NIBAN3: variants seen among roughly 807,000 people sequenced by gnomAD.
The protein encoded by NIBAN3 is niban apoptosis regulator 3, also known as protein Niban 3.
A neutral mutation model predicts 76.4 loss-of-function variants in NIBAN3; 66 were observed. The observed-to-expected ratio is 0.86, with a 90% CI of 0.71 to 1.06. NIBAN3 has a LOEUF of 1.06. Ranked by LOEUF, NIBAN3 falls within the 50% of genes least tolerant of loss-of-function variation. The pLI is 0.00. For synonymous variants in NIBAN3, 360 were observed against 355.2 expected (o/e 1.01, Z -0.15); for missense variants, 808 against 810.7 (o/e 1.00, Z 0.04).
intron 12 of NIBAN3, 21 bp downstream of exon 12, chr19:17,543,652 C>A: frequency 6.3e-7 from 1 of 1,590,648 alleles, no homozygotes; most frequent in Non-Finnish European, 8.6e-7. Flanking sequence ...GGGAAGTGTG[C>A]AAGAGGGTCT....
intron 8 of NIBAN3, 27 bp downstream of exon 8, chr19:17,539,792 T>G (rs1231481754): frequency 6.8e-7 from 1 of 1,480,476 alleles, no homozygotes; most frequent in East Asian, 2.5e-5. Flanking sequence ...GAGCCTGGGC[T>G]GGGAGGGGCG....
rs748628398 is a variant in NIBAN3, at chr19:17,530,846, C to T, written c.147C>T (p.Gly49=). 1 of 1,613,494 alleles carries T rather than the reference C, an allele frequency of 6.2e-7. No individual in the cohort carries two copies. Residue 49 remains glycine (G), a synonymous_variant, in exon 2 of 15, where the codon GGC becomes GGT. Coordinates refer to ENST00000599164, the MANE Select transcript of NIBAN3 (RefSeq NM_001321827.2). ...TGCGGCAGATCTCTCGAGAGCTGGG[C>T]CCTCAGGAGCCGACCGGAAGCCAGT... The part of the protein sequence containing the change: ...SVLRQISREL[G]PQEPTGSQLL...
At chr19:17,555,302 G>A (rs1309240478), downstream of NIBAN3, among the ~76,000 whole-genome samples, 1 of 152,116 alleles carries the variant, frequency 6.6e-6, no homozygotes, top group Non-Finnish European at 1.5e-5. Flanking sequence ...TGAGGCTAAG[G>A]TCTCTTGGGT....
rs747476344 is a variant in NIBAN3 at position 17,552,161 on chromosome 19, C to T, written c.*263C>T. ...TGGCAGGATCTCGGCTCACTGCAAC[C>T]TCCGCCTCCCGGGTTCAAGCGATTC... On this transcript the variant is annotated 3_prime_UTR_variant, in exon 15 of 15. Coordinates refer to ENST00000599164, the MANE Select transcript of NIBAN3 (RefSeq NM_001321827.2). 4.5e-6 allele frequency: 1 copy of T among 220,334 alleles called. No homozygotes were observed. Among genetic ancestry groups the T allele is most frequent in the Non-Finnish European group, 8.9e-6 (1 of 112,900 alleles). The allele number at this position is 220,334 out of a possible 1,614,324, so 13.6% of individuals were successfully genotyped here.
intron 1 of NIBAN3, among the ~76,000 whole-genome samples, chr19:17,530,173 G>A (rs551119367): frequency 6.8e-4 from 103 of 152,114 alleles, no homozygotes; most frequent in African/African-American, 2.0e-3. Flanking sequence ...TTAGTCAGTC[G>A]TGGTGGCAGA....
At chr19:17,527,475 C>T (rs1161127396) in intron 1 of NIBAN3, 80 bp downstream of exon 1, 4 of 1,403,402 alleles carry the variant, frequency 2.9e-6, no homozygotes, top group African/African-American at 2.9e-5. Flanking sequence ...CTCCATGCAG[C>T]AGATGGGGTT....
Position 17,542,105 on chromosome 19 carries a change from T to G in NIBAN3, c.1171-31T>G. On this transcript the variant is annotated intron_variant, in intron 9 of 14. Coordinates refer to ENST00000599164, the MANE Select transcript of NIBAN3 (RefSeq NM_001321827.2). This position sits in a 1 kb window ranked among gnomAD's most constrained non-coding sequence, Gnocchi z 4.8. Reference sequence around the variant, plus strand: ...GCCCTTTGCAATCAGCTGACAGCATTTTTCCCCCAAAACTGCTTCCGGGAG... The same window carrying G: ...GCCCTTTGCAATCAGCTGACAGCATGTTTCCCCCAAAACTGCTTCCGGGAG... 6.2e-7 allele frequency: 1 copy of G among 1,613,894 alleles called. No homozygotes were observed. The highest frequency in any genetic ancestry group is 8.5e-7 in the Non-Finnish European group (1 of 1,179,930).
At chr19:17,531,753 C>CT (rs2075729176) in intron 2 of NIBAN3, among the ~76,000 whole-genome samples, 1 of 152,096 alleles carries the variant, frequency 6.6e-6, no homozygotes. Context: ...AGGCTGATCT[C>CT]GAACTCCTGA....
rs373888500 is a variant in NIBAN3, at chr19:17,532,389, G to A, written c.312+1G>A. The A allele has an allele frequency of 1.1e-5, 17 of 1,614,108 alleles. No homozygotes were observed. Among genetic ancestry groups the A allele is most frequent in the East Asian group, 2.2e-5 (1 of 44,898 alleles). ...CCTAGAGTGGTTCAGCCACAAGGAG[G>A]TGCGTGATTGGCACGTGGCCTTTCT... is the stretch of plus-strand genomic sequence containing the variant. On this transcript the variant is annotated splice_donor_variant, in intron 3 of 14. Coordinates refer to ENST00000599164, the MANE Select transcript of NIBAN3 (RefSeq NM_001321827.2). LOFTEE classifies it high-confidence loss of function.
At position 17,527,277 on chromosome 19, in the gene NIBAN3, G is replaced by T; in HGVS notation, c.-64G>T. ...TCTCACCCGCCATCCAGGTGCCCCT[G>T]AGCCGAGGAACGCAGGCGGTGGTCG... On this transcript the variant is annotated 5_prime_UTR_variant, in exon 1 of 15. Transcript: ENST00000599164. The T allele has an allele frequency of 6.4e-7, 1 of 1,550,670 alleles. No individual in the cohort carries two copies.
At chr19:17,535,091 C>A (rs2075802433) in intron 4 of NIBAN3, among the ~76,000 whole-genome samples, 6 of 152,186 alleles carry the variant, frequency 3.9e-5, no homozygotes, top group Admixed American at 3.3e-4. Context: ...TCAGAATCTG[C>A]CCAAATACCC....
intron 13 of NIBAN3, 40 bp downstream of exon 13, chr19:17,546,837 C>A: frequency 6.4e-7 from 1 of 1,559,150 alleles, no homozygotes; most frequent in Non-Finnish European, 8.7e-7. Flanking sequence ...AGCCTGGCGT[C>A]CCTTGGCTGT....
At chr19:17,533,230 C>T (rs778270929) in intron 3 of NIBAN3, among the ~76,000 whole-genome samples, 18 of 151,896 alleles carry the variant, frequency 1.2e-4, no homozygotes, top group Non-Finnish European at 2.1e-4. Flanking sequence ...GGCAACATGG[C>T]GAAACCCCGT....
rs2144685501 is a variant in NIBAN3 at position 17,532,258 on chromosome 19, T to G, written c.187-5T>G. ...CCTGACACCCACTGCTCCCTCTTTC[T>G]GCAGAAGCTGCCCCGAGTCCGTGAG... On this transcript the variant is annotated splice_region_variant and splice_polypyrimidine_tract_variant and intron_variant, in intron 2 of 14. Coordinates refer to ENST00000599164, the MANE Select transcript of NIBAN3 (RefSeq NM_001321827.2). 5.6e-6 allele frequency: 9 copies of G among 1,605,764 alleles called. No individual in the cohort carries two copies. The East Asian group carries it at 2.0e-4, about 36-fold the overall frequency.
intron 12 of NIBAN3, chr19:17,545,288 A>T (rs570051627): frequency 1.3e-5 from 2 of 154,212 alleles, no homozygotes; most frequent in East Asian, 3.8e-4. Context: ...TGCAACCTCC[A>T]CCTCCTAGGT....
In NIBAN3 at chr19:17,543,448, T is replaced by A; in HGVS notation, c.1446+15T>A. On this transcript the variant is annotated intron_variant, in intron 11 of 14. Coordinates refer to ENST00000599164, the MANE Select transcript of NIBAN3 (RefSeq NM_001321827.2). ...GCGTGCTGAAGGTGTGTTCTGTGGGTACGGGGTGGCATGGGGTGGCAGTGG... is the reference window on the plus strand; with the variant it reads ...GCGTGCTGAAGGTGTGTTCTGTGGGAACGGGGTGGCATGGGGTGGCAGTGG... 6.2e-7 allele frequency: 1 copy of A among 1,611,846 alleles called. No individual in the cohort carries two copies. Among genetic ancestry groups the A allele is most frequent in the Non-Finnish European group, 8.5e-7 (1 of 1,178,018 alleles).
intron 13 of NIBAN3, among the ~76,000 whole-genome samples, chr19:17,547,608 C>G (rs1165430973): frequency 6.6e-6 from 1 of 151,376 alleles, no homozygotes; most frequent in African/African-American, 2.4e-5. Flanking sequence ...CCCCCTTGGG[C>G]TCCCAAAGTG....
At chr19:17,537,901 G>A (rs925583638) in intron 5 of NIBAN3, among the ~76,000 whole-genome samples, 9 of 151,556 alleles carry the variant, frequency 5.9e-5, no homozygotes, top group African/African-American at 1.7e-4. Flanking sequence ...AGCCAAGATC[G>A]CGGCACTGCA....
At position 17,549,178 on chromosome 19, in the gene NIBAN3, C is replaced by T. The variant is rs561620676; in HGVS notation, c.1667-266C>T. ...TCTCTTCCTAAAGATTTTATGTATCCTTAAGTGGGTCCATCCTGAATTGAT... is the reference window on the plus strand; with the variant it reads ...TCTCTTCCTAAAGATTTTATGTATCTTTAAGTGGGTCCATCCTGAATTGAT... On this transcript the variant is annotated intron_variant, in intron 13 of 14. Coordinates refer to ENST00000599164, the MANE Select transcript of NIBAN3 (RefSeq NM_001321827.2). 3.3e-5 allele frequency among the ~76,000 whole-genome samples: 5 copies of T among 152,194 alleles called. No homozygotes were observed. The East Asian group carries it at 9.6e-4, about 29-fold the overall frequency.
Sources: allele counts gnomAD v4.1 joint callset (sites outside exome capture counted in the v4.1 genomes callset), GRCh38; gene constraint gnomAD v4.1.1; non-coding constraint Gnocchi (gnomAD v3.1); transcripts MANE v1.5; gene names NCBI Gene and HGNC (gene_info 2026-07-23, HGNC 2026-07-21).